SLC6A13: variants seen among roughly 807,000 people sequenced by gnomAD.
SLC6A13 encodes the protein solute carrier family 6 member 13, also known as sodium- and chloride-dependent GABA transporter 2.
Under a neutral mutation model 72.9 loss-of-function variants are expected in SLC6A13, and 69 were observed. The observed-to-expected ratio is 0.95, with a 90% CI of 0.78 to 1.16. The LOEUF is 1.16. Among genes scored for constraint, SLC6A13 ranks in the 50% most tolerant of loss-of-function variants. The probability of loss-of-function intolerance (pLI) is 0.00; values close to 1 mark genes in which losing one functional copy is unlikely to be tolerated. For synonymous variants in SLC6A13, 303 were observed against 303.0 expected (o/e 1.00, Z 0.00); for missense variants, 735 against 760.5 (o/e 0.97, Z 0.39).
At chr12:251,165 C>CAA (rs1230938746) in intron 2 of SLC6A13, among the ~76,000 whole-genome samples, 6 of 124,384 alleles carry the variant, frequency 4.8e-5, no homozygotes, top group African/African-American at 1.2e-4. Flanking sequence ...CAAAAAAAAA[C>CAA]AAAAAAAAAA....
chr12:237,796 C>G (rs962611574), intron 5 of SLC6A13, 130 bp downstream of exon 5: 2 of 694,402 alleles, frequency 2.9e-6, no homozygotes, highest in Admixed American at 2.4e-5. Context: ...AACATAGGCA[C>G]CACAGAAAAA....
intron 10 of SLC6A13, 43 bp downstream of exon 10, chr12:224,358 C>T: frequency 6.5e-7 from 1 of 1,531,468 alleles, no homozygotes; most frequent in Non-Finnish European, 9.1e-7. Flanking sequence ...AGCACACACC[C>T]CCCCACTCAT....
At chr12:243,642 A>G (rs377323052) in intron 3 of SLC6A13, 37 bp downstream of exon 3, 9 of 1,596,984 alleles carry the variant, frequency 5.6e-6, no homozygotes, top group African/African-American at 1.4e-5. Context: ...ATAACCACGA[A>G]TGAAGACGCT....
chr12:249,701 C>T (rs1171668885), intron 2 of SLC6A13, among the ~76,000 whole-genome samples: 1 of 152,082 alleles, frequency 6.6e-6, no homozygotes, highest in East Asian at 1.9e-4. Context: ...AGCAATTCTA[C>T]ACAAACTCTT....
At chr12:239,962 C>T (rs567396355) in intron 4 of SLC6A13, among the ~76,000 whole-genome samples, 37 of 152,120 alleles carry the variant, frequency 2.4e-4, no homozygotes, top group East Asian at 1.9e-4. Context: ...ATTTAATGTG[C>T]CTCAGAATTG....
intron 2 of SLC6A13, among the ~76,000 whole-genome samples, chr12:250,849 A>C (rs1250646944): frequency 6.6e-6 from 1 of 150,790 alleles, no homozygotes; most frequent in Admixed American, 6.6e-5. Flanking sequence ...AAAAAAAAAA[A>C]AAACCTAAAA....
intron 2 of SLC6A13, among the ~76,000 whole-genome samples, chr12:246,159 A>ATAAATAAATAAATAAATAAC (rs1942342728): frequency 6.9e-6 from 1 of 144,140 alleles, no homozygotes; most frequent in Non-Finnish European, 1.6e-5. Context: ...AAATAAATAA[A>ATAAATAAATAAATAAATAAC]ATACAAAAAT....
chr12:233,276 G>A (rs76507659), intron 7 of SLC6A13, among the ~76,000 whole-genome samples: 4,497 of 152,238 alleles, frequency 0.03, 85 homozygotes, highest in Non-Finnish European at 0.048. Context: ...GCACCCCTCC[G>A]GCCCTCGACA....
rs751000191 is a variant in SLC6A13 at position 237,285 on chromosome 12, C to T, written c.569G>A (p.Arg190Gln). 23 of 1,614,024 alleles carry T rather than the reference C, an allele frequency of 1.4e-5. No homozygotes were observed. Among genetic ancestry groups the T allele is most frequent in the East Asian group, 6.7e-5 (3 of 44,898 alleles). Reference protein sequence around the residue: ...TSPVIEFWERRVLKISDGIQH... With the variant: ...TSPVIEFWERQVLKISDGIQH... The stretch of plus-strand genomic sequence containing the variant: ...GATCCCATCAGAGATCTTCAAGACC[C>T]GCCGCCTGGGGAGAGAAGGGTTGAA... The change falls in exon 6 of 15, where the codon CGG becomes CAG. Residue 190 changes from arginine (R) to glutamine (Q), a missense_variant. Transcript: ENST00000343164.
rs546220547 is a variant in SLC6A13, at chr12:254,343, C to G, written c.202+5508G>C. On this transcript the variant is annotated intron_variant, in intron 2 of 14. Coordinates refer to ENST00000343164, the MANE Select transcript of SLC6A13 (RefSeq NM_016615.5). The surrounding 1 kb of genome is among the most constrained non-coding windows in gnomAD (Gnocchi z 4.4). Reference sequence around the variant, plus strand: ...TACTCCCACATTTTGCCCCAATAACCCACATTTACTATTTCCAATTCCTTT... The same window carrying G: ...TACTCCCACATTTTGCCCCAATAACGCACATTTACTATTTCCAATTCCTTT... Among the ~76,000 whole-genome samples, 1 of 152,300 alleles carries G rather than the reference C, an allele frequency of 6.6e-6. No homozygotes were observed. Among genetic ancestry groups the G allele is most frequent in the Non-Finnish European group, 1.5e-5 (1 of 68,040 alleles).
At chr12:251,839 T>C (rs565815982) in intron 2 of SLC6A13, among the ~76,000 whole-genome samples, 165 of 152,078 alleles carry the variant, frequency 1.1e-3, no homozygotes, top group African/African-American at 3.6e-3. Flanking sequence ...CACATGCCTA[T>C]AGTCGCAGCT....
chr12:242,754 C>A lies in SLC6A13; in HGVS notation c.338G>T (p.Gly113Val), dbSNP rs1942211498. ...AWRKICPIFE[G>V]IGYASQMIVI... Reference sequence around the variant, plus strand: ...GATCATCTGGGAGGCATAGCCAATGCCTGCGGGGAAACTGCAGAATTGGGC... The same window carrying A: ...GATCATCTGGGAGGCATAGCCAATGACTGCGGGGAAACTGCAGAATTGGGC... Residue 113 changes from glycine (G) to valine (V), a missense_variant and splice_region_variant, in exon 4 of 15, where the codon GGC becomes GTC. Physicochemically the swap from Gly to Val is moderately radical, Grantham distance 109. Coordinates refer to ENST00000343164, the MANE Select transcript of SLC6A13 (RefSeq NM_016615.5). 6.3e-7 allele frequency: 1 copy of A among 1,578,290 alleles called. No homozygotes were observed. The highest frequency in any genetic ancestry group is 8.6e-7 in the Non-Finnish European group (1 of 1,161,304).
intron 4 of SLC6A13, among the ~76,000 whole-genome samples, chr12:239,187 C>T (rs868297882): frequency 9.9e-6 from 1 of 101,202 alleles, no homozygotes; most frequent in Non-Finnish European, 2.4e-5. Context: ...CAGCCACGTG[C>T]TCTACCACGT....
intron 9 of SLC6A13, 32 bp downstream of exon 9, chr12:226,358 C>A (rs1038334699): frequency 1.6e-5 from 25 of 1,612,794 alleles, no homozygotes; most frequent in Non-Finnish European, 2.0e-5. Context: ...GAACCAGGCT[C>A]ACTGCCTCCA....
chr12:261,063 T>C (rs1354452218), intron 1 of SLC6A13, among the ~76,000 whole-genome samples: 2 of 152,182 alleles, frequency 1.3e-5, no homozygotes, highest in African/African-American at 2.4e-5. Context: ...TTTTTCTTTT[T>C]TGGTGATGAC....
At chr12:223,789 G>A (rs1565487955) in intron 11 of SLC6A13, 1 of 584,130 alleles carries the variant, frequency 1.7e-6, no homozygotes. Flanking sequence ...ACCCATCCCT[G>A]GAGGTGGGTG....
rs768945171 is a variant in SLC6A13, at chr12:221,111, G to A, written c.1687-41C>T. The A allele has an allele frequency of 8.4e-6, 13 of 1,549,102 alleles. No individual in the cohort carries two copies. The South Asian group carries it at 1.5e-4, about 18-fold the overall frequency. On this transcript the variant is annotated intron_variant, in intron 14 of 14. Transcript: ENST00000343164. ...AGGTGGCTGTCAGGTGGTGGAGCGG[G>A]GGCAGGTCTGCCAGCTTCCCTCATC... is the stretch of plus-strand genomic sequence containing the variant.
At chr12:226,135 A>G (rs1941442180) in intron 9 of SLC6A13, among the ~76,000 whole-genome samples, 1 of 152,226 alleles carries the variant, frequency 6.6e-6, no homozygotes, top group African/African-American at 2.4e-5. Flanking sequence ...ATAAACATGA[A>G]ATAGATAACA....
intron 7 of SLC6A13, among the ~76,000 whole-genome samples, chr12:228,514 G>T (rs1305194993): frequency 1.3e-5 from 2 of 152,102 alleles, no homozygotes; most frequent in African/African-American, 2.4e-5. Flanking sequence ...GGCGCCGGAT[G>T]ACCCGTCCAT....
Sources: gnomAD v4.1 joint callset for allele counts (sites outside exome capture counted in the v4.1 genomes callset) on GRCh38, gnomAD v4.1.1 for gene constraint, Gnocchi (gnomAD v3.1) non-coding constraint, MANE v1.5 for transcripts, NCBI Gene and HGNC (gene_info 2026-07-23, HGNC 2026-07-21) for gene names.